KIF13B: variants seen among roughly 807,000 people sequenced by gnomAD.
The protein encoded by KIF13B is kinesin-like protein KIF13B.
In KIF13B, 127 loss-of-function variants were observed where a neutral mutation model predicts 222.0. The ratio of observed to expected loss-of-function variants is 0.57; its 90% CI spans 0.50 to 0.66. KIF13B has a LOEUF of 0.66. Ranked by LOEUF, KIF13B falls within the 30% of genes least tolerant of loss-of-function variation. The probability of loss-of-function intolerance (pLI) is 0.00; values close to 1 mark genes in which losing one functional copy is unlikely to be tolerated. For synonymous variants in KIF13B, 976 were observed against 919.0 expected, an observed-to-expected ratio of 1.06 and a Z score of -1.12; for missense variants, 2,173 against 2,379.0, an observed-to-expected ratio of 0.91 and a Z score of 1.80.
rs896787281 is a variant in KIF13B at position 29,070,920 on chromosome 8, G to C, written c.5219-154C>G. Among the ~76,000 whole-genome samples the C allele has an allele frequency of 1.3e-5, 2 of 152,214 alleles. No individual in the cohort carries two copies. Among genetic ancestry groups the C allele is most frequent in the Non-Finnish European group, 2.9e-5 (2 of 68,024 alleles). On this transcript the variant is annotated intron_variant, in intron 39 of 39. Coordinates refer to ENST00000524189, the MANE Select transcript of KIF13B (RefSeq NM_015254.4). This position sits in a 1 kb window ranked among gnomAD's most constrained non-coding sequence, Gnocchi z 4.1. The stretch of plus-strand genomic sequence containing the variant: ...CTCGGACACTGGCCATTGTCTGGCA[G>C]GGACTGGCTAAATGAATGTGGCCAG...
chr8:29,134,273 C>T (rs1563729504), intron 21 of KIF13B, 63 bp from the exon 22 acceptor site: 1 of 1,517,616 alleles, frequency 6.6e-7, no homozygotes, highest in East Asian at 2.3e-5. Flanking sequence ...TTCAGAGTTG[C>T]AGGTTCCAGC....
At chr8:29,247,234 A>G (rs950759918) in intron 1 of KIF13B, among the ~76,000 whole-genome samples, 26 of 152,164 alleles carry the variant, frequency 1.7e-4, no homozygotes, top group African/African-American at 6.0e-4. Context: ...AAAAACAACA[A>G]AAAAGTAGCC....
At position 29,071,550 on chromosome 8, in the gene KIF13B, C is replaced by G. The variant is rs980721311; in HGVS notation, c.5218+70G>C. On this transcript the variant is annotated intron_variant, in intron 39 of 39. Transcript: ENST00000524189. This position sits in a 1 kb window ranked among gnomAD's most constrained non-coding sequence, Gnocchi z 4.9. ...CTCCTGCCCGGACCCTGTCCCCTCCCAGGCCGGCCACGTTCCTGCTTCCCC... is the reference window on the plus strand; with the variant it reads ...CTCCTGCCCGGACCCTGTCCCCTCCGAGGCCGGCCACGTTCCTGCTTCCCC... 3.6e-6 allele frequency: 5 copies of G among 1,392,834 alleles called. No individual in the cohort carries two copies. Among genetic ancestry groups the G allele is most frequent in the South Asian group, 2.5e-5 (2 of 80,740 alleles). 86.3% of individuals were successfully genotyped at this position (1,392,834 alleles called of 1,614,324 possible).
intron 2 of KIF13B, among the ~76,000 whole-genome samples, chr8:29,228,228 G>A (rs922359752): frequency 3.3e-5 from 5 of 151,622 alleles, no homozygotes; most frequent in East Asian, 1.9e-4. Flanking sequence ...CACTTTGGGA[G>A]TCCGAGGCAG....
At position 29,118,762 on chromosome 8, in the gene KIF13B, G is replaced by T. The variant is rs551174874; in HGVS notation, c.3660+106C>A. 119 of 1,165,702 alleles carry T rather than the reference G, an allele frequency of 1.0e-4. No homozygotes were observed. The East Asian group carries it at 2.8e-3, about 27-fold the overall frequency. 72.2% of individuals were successfully genotyped at this position (1,165,702 alleles called of 1,614,324 possible). A position where few individuals can be genotyped will look rare whatever the true frequency, so the allele number is the denominator to read the frequency against. ...TGAAAGGTTTTGCTTTATGTATTTT[G>T]AGAAATGTAAAGTACTGGCATGATT... On this transcript the variant is annotated intron_variant, in intron 30 of 39. Transcript: ENST00000524189.
chr8:29,242,218 C>T (rs997933218), intron 2 of KIF13B, among the ~76,000 whole-genome samples: 9 of 152,102 alleles, frequency 5.9e-5, no homozygotes, highest in African/African-American at 2.2e-4. Context: ...CACACTCCAG[C>T]CTGGGCAACA....
At position 29,150,289 on chromosome 8, in the gene KIF13B, C is replaced by G. The variant is rs975515071; in HGVS notation, c.1622+8G>C. 36 of 1,491,388 alleles carry G rather than the reference C, an allele frequency of 2.4e-5. No individual in the cohort carries two copies. The Admixed American group carries it at 6.3e-4, about 26-fold the overall frequency. The allele number at this position is 1,491,388 out of a possible 1,614,324, so 92.4% of individuals were successfully genotyped here. A position where few individuals can be genotyped will look rare whatever the true frequency, so the allele number is the denominator to read the frequency against. ...CAATCTCTTTAAGGGACATGAACAA[C>G]ATCATACCTGAAGAAATGATTGTTT... On this transcript the variant is annotated splice_region_variant and intron_variant, in intron 15 of 39. Coordinates refer to ENST00000524189, the MANE Select transcript of KIF13B (RefSeq NM_015254.4).
At chr8:29,250,135 C>G (rs1816216854) in intron 1 of KIF13B, 1 of 911,642 alleles carries the variant, frequency 1.1e-6, no homozygotes, top group Non-Finnish European at 1.6e-6. Context: ...TACTGTGACT[C>G]ACCACCCACC....
At position 29,093,569 on chromosome 8, in the gene KIF13B, G is replaced by C. The variant is rs76315023; in HGVS notation, c.4325-691C>G. ...CCGTATTCACACAACATTTAGAAAT[G>C]AACAAGCAAGTCACCTTAAGGAATA... is the stretch of plus-strand genomic sequence containing the variant. On this transcript the variant is annotated intron_variant, in intron 36 of 39. Coordinates refer to ENST00000524189, the MANE Select transcript of KIF13B (RefSeq NM_015254.4). Among the ~76,000 whole-genome samples, 578 of 152,278 alleles carry C rather than the reference G, an allele frequency of 3.8e-3. 1 individual carries two copies. Among genetic ancestry groups the C allele is most frequent in the African/African-American group, 0.014 (561 of 41,540 alleles).
intron 36 of KIF13B, among the ~76,000 whole-genome samples, chr8:29,096,501 T>C (rs1247155920): frequency 6.6e-6 from 1 of 152,022 alleles, no homozygotes; most frequent in African/African-American, 2.4e-5. Context: ...GGTTTTGCCA[T>C]GTTGCCCAGG....
intron 37 of KIF13B, among the ~76,000 whole-genome samples, chr8:29,081,881 G>C (rs1807831223): frequency 6.6e-6 from 1 of 152,176 alleles, no homozygotes. Context: ...TTGGAATTTT[G>C]TGTCTGGTCT....
chr8:29,097,478 T>C (rs1808586692), intron 36 of KIF13B, among the ~76,000 whole-genome samples: 1 of 152,116 alleles, frequency 6.6e-6, no homozygotes, highest in South Asian at 2.1e-4. Flanking sequence ...AACAAGGCAA[T>C]AAACCACAGT....
At position 29,092,781 on chromosome 8, in the gene KIF13B, C is replaced by G. The variant is rs1289615085; in HGVS notation, c.4422G>C (p.Glu1474Asp). ...GGGGAGACGGCCGCTTGCCCCTCTT[C>G]TCATCGCGGACGGGAAAGAGAGACT... ...LLKSLFPVRD[E>D]KRGKRPSPLA... is the part of the protein sequence containing the mutation. The change falls in exon 37 of 40, where the codon GAG becomes GAC. Residue 1474 changes from glutamate to aspartate, a missense_variant. This residue lies in a region of KIF13B where 693 missense variants were observed against 656.2 expected (regional missense o/e 1.06). Transcript: ENST00000524189. 2.5e-6 allele frequency: 4 copies of G among 1,613,606 alleles called. No homozygotes were observed. The highest frequency in any genetic ancestry group is 1.7e-6 in the Non-Finnish European group (2 of 1,179,784).
At chr8:29,146,701 A>C (rs1811076353) in intron 17 of KIF13B, among the ~76,000 whole-genome samples, 161 bp from the exon 18 acceptor site, 1 of 152,202 alleles carries the variant, frequency 6.6e-6, no homozygotes, top group Non-Finnish European at 1.5e-5. Flanking sequence ...TGACCCATGC[A>C]CACGCTTGAA....
At chr8:29,125,481 T>C (rs4732663) in intron 26 of KIF13B, among the ~76,000 whole-genome samples, 125,954 of 152,168 alleles carry the variant, frequency 0.83, 52,749 homozygotes, top group Non-Finnish European at 0.87. Flanking sequence ...ATCCGAAGAA[T>C]AGTGATTAAT....
At chr8:29,199,504 G>A (rs919442506) in intron 2 of KIF13B, among the ~76,000 whole-genome samples, 9 of 148,462 alleles carry the variant, frequency 6.1e-5, no homozygotes, top group Admixed American at 2.0e-4. Context: ...CATTTTGAGC[G>A]CCAACATGAT....
chr8:29,246,860 T>A (rs75653283), intron 1 of KIF13B, among the ~76,000 whole-genome samples: 6,241 of 152,284 alleles, frequency 0.041, 425 homozygotes, highest in African/African-American at 0.14. Context: ...GAAAGAATAG[T>A]CTTTTCAACA....
At chr8:29,188,439 TACTC>T in intron 5 of KIF13B, 72 bp downstream of exon 5, 1 of 885,722 alleles carries the variant, frequency 1.1e-6, no homozygotes. Context: ...TCAGCAATGT[TACTC>T]AGTAAAATAA....
At chr8:29,140,242 C>G in intron 20 of KIF13B, 51 bp from the exon 21 acceptor site, 1 of 1,606,798 alleles carries the variant, frequency 6.2e-7, no homozygotes, top group Non-Finnish European at 8.5e-7. Flanking sequence ...GGTTCGTGCT[C>G]CCTTGAGATG....
Sources: gnomAD v4.1 joint callset for allele counts (sites outside exome capture counted in the v4.1 genomes callset) on GRCh38, gnomAD v4.1.1 for gene constraint, gnomAD v4.1.1 regional missense constraint, Gnocchi (gnomAD v3.1) non-coding constraint, MANE v1.5 for transcripts, NCBI Gene and HGNC (gene_info 2026-07-23, HGNC 2026-07-21) for gene names.